Variants in DENND2B observed in about 807,000 individuals in gnomAD.
DENND2B encodes DENN domain containing 2B.
In DENND2B, 32 loss-of-function variants were observed where a neutral mutation model predicts 116.0. That is an observed-to-expected ratio of 0.28 (90% CI 0.21 to 0.37). DENND2B has a LOEUF of 0.37. Among genes scored for constraint, DENND2B ranks in the 10% least tolerant of loss-of-function variants. DENND2B has a pLI of 1.00. For missense variants in DENND2B, 1,276 were observed against 1,477.7 expected, an observed-to-expected ratio of 0.86 and a Z score of 2.24; for synonymous variants, 588 against 583.9, an observed-to-expected ratio of 1.01 and a Z score of -0.10.
Position 8,730,062 on chromosome 11 carries a change from G to T in DENND2B, c.1228C>A (p.Leu410Ile). The part of the protein sequence containing the change: ...KNPKSKPSNG[L>I]PPSPTPAAPP... ...GCAGCAGGTGTGGGTGAAGGAGGTA[G>T]ACCATTACTGGGCTTACTCTTGGGG... The change falls in exon 3 of 20, where the codon CTA (leucine) becomes ATA (isoleucine). Residue 410 changes from leucine to isoleucine, a missense_variant. Leu to Ile is a conservative substitution (Grantham distance 5). Around this residue, in one of 2 missense-constraint regions of DENND2B, gnomAD observed 856 missense variants for 846.6 expected, o/e 1.01. Transcript: ENST00000313726. The surrounding 1 kb of genome is among the most constrained non-coding windows in gnomAD (Gnocchi z 4.1). The T allele has an allele frequency of 6.2e-7, 1 of 1,614,198 alleles. No homozygotes were observed. Among genetic ancestry groups the T allele is most frequent in the Non-Finnish European group, 8.5e-7 (1 of 1,180,026 alleles).
chr11:8,843,670 A>G (rs1227860002), intron 3 of DENND2B, among the ~76,000 whole-genome samples: 1 of 152,034 alleles, frequency 6.6e-6, no homozygotes, highest in African/African-American at 2.4e-5. Context: ...TACGGAATAC[A>G]CAAATCCTGT....
At chr11:8,848,860 A>C (rs1328281762) in intron 3 of DENND2B, among the ~76,000 whole-genome samples, 2 of 152,072 alleles carry the variant, frequency 1.3e-5, no homozygotes, top group African/African-American at 2.4e-5. Flanking sequence ...GGTATTGCTT[A>C]GGTATTTGAC....
chr11:8,707,241 G>T lies in DENND2B; in HGVS notation c.2431-16C>A, dbSNP rs1292591213. ...CATCTAGGACCTGTGCCCACCGCCA[G>T]CAGCCCAAAGAGGAAGGGTGTCAGG... On this transcript the variant is annotated splice_polypyrimidine_tract_variant and intron_variant, in intron 12 of 19. Coordinates refer to ENST00000313726, the MANE Select transcript of DENND2B (RefSeq NM_213618.2). The surrounding 1 kb of genome is among the most constrained non-coding windows in gnomAD (Gnocchi z 4.8). The T allele has an allele frequency of 6.2e-7, 1 of 1,604,642 alleles. No individual in the cohort carries two copies. The highest frequency in any genetic ancestry group is 1.3e-5 in the African/African-American group (1 of 74,900).
At chr11:8,783,760 C>T (rs10500706) in intron 1 of DENND2B, among the ~76,000 whole-genome samples, 8,368 of 152,036 alleles carry the variant, frequency 0.055, 462 homozygotes, top group African/African-American at 0.14. Context: ...CTTGAAATAA[C>T]GGAAAAGGTA....
chr11:8,832,314 T>C (rs888172307), intron 4 of DENND2B, among the ~76,000 whole-genome samples: 2 of 152,114 alleles, frequency 1.3e-5, no homozygotes, highest in Non-Finnish European at 2.9e-5. Context: ...TAGCTGGGCA[T>C]GGTGGTGCAC....
chr11:8,693,861 A>C lies in DENND2B; in HGVS notation c.*235T>G. On this transcript the variant is annotated 3_prime_UTR_variant, in exon 20 of 20. Coordinates refer to ENST00000313726, the MANE Select transcript of DENND2B (RefSeq NM_213618.2). ...CAGGAAAGCACCCGGCCCCTTGGGAATATACAAATATTTGCCATATTCTCT... is the reference window on the plus strand; with the variant it reads ...CAGGAAAGCACCCGGCCCCTTGGGACTATACAAATATTTGCCATATTCTCT... 2 of 462,612 alleles carry C rather than the reference A, an allele frequency of 4.3e-6. No individual in the cohort carries two copies. Among genetic ancestry groups the C allele is most frequent in the Non-Finnish European group, 7.7e-6 (2 of 260,882 alleles). 28.7% of individuals were successfully genotyped at this position (462,612 alleles called of 1,614,324 possible). A position where few individuals can be genotyped will look rare whatever the true frequency, so the allele number is the denominator to read the frequency against.
At position 8,712,827 on chromosome 11, in the gene DENND2B, CTTTTAAG is replaced by C. The variant is rs1483419567; in HGVS notation, c.1988-99_1988-93del. On this transcript the variant is annotated intron_variant, in intron 8 of 19. Coordinates refer to ENST00000313726, the MANE Select transcript of DENND2B (RefSeq NM_213618.2). The surrounding 1 kb of genome is among the most constrained non-coding windows in gnomAD (Gnocchi z 4.4). ...CTCAGGGCTCCATTGCTGTGGAGCA[CTTTTAAG>C]TACGTGAGCCTAGTCTGATACCATC... 5 of 1,345,696 alleles carry C rather than the reference CTTTTAAG, an allele frequency of 3.7e-6. No homozygotes were observed. In the Admixed American group the frequency reaches 7.3e-5, roughly 20 times the overall value. 83.4% of individuals were successfully genotyped at this position (1,345,696 alleles called of 1,614,324 possible).
intron 2 of DENND2B, among the ~76,000 whole-genome samples, chr11:8,746,288 T>C (rs1593082504): frequency 6.6e-6 from 1 of 152,354 alleles, no homozygotes; most frequent in African/African-American, 2.4e-5. Flanking sequence ...TGGATTTCAC[T>C]GTATCACAAA....
exon 4 of DENND2B, chr11:8,839,310 C>T (rs1006328684): frequency 2.0e-5 from 3 of 152,308 alleles, no homozygotes; most frequent in African/African-American, 7.2e-5. Flanking sequence ...AAAAACCTAC[C>T]TGAATTATCC....
chr11:8,808,495 C>T (rs1041921313), intron 1 of DENND2B: 3 of 152,196 alleles, frequency 2.0e-5, no homozygotes, highest in South Asian at 2.1e-4. Context: ...TCTTATGAAA[C>T]GACCCAACCC....
chr11:8,848,977 T>C (rs1202119021), intron 3 of DENND2B, among the ~76,000 whole-genome samples: 1 of 151,992 alleles, frequency 6.6e-6, no homozygotes, highest in East Asian at 1.9e-4. Context: ...AAATCACAGG[T>C]ACTGCCATTA....
At position 8,702,976 on chromosome 11, in the gene DENND2B, G is replaced by C. The variant is rs897841622; in HGVS notation, c.2572-256C>G. 3.8e-5 allele frequency: 19 copies of C among 497,832 alleles called. No homozygotes were observed. Among genetic ancestry groups the C allele is most frequent in the African/African-American group, 2.1e-4 (11 of 51,756 alleles). 30.8% of individuals were successfully genotyped at this position (497,832 alleles called of 1,614,324 possible). A position where few individuals can be genotyped will look rare whatever the true frequency, so the allele number is the denominator to read the frequency against. ...GAAGGCTCCAGAAGGAAGGAGTTGAGGGGCCATCCATCGGGACCTCAGGAA... is the reference window on the plus strand; with the variant it reads ...GAAGGCTCCAGAAGGAAGGAGTTGACGGGCCATCCATCGGGACCTCAGGAA... On this transcript the variant is annotated intron_variant, in intron 13 of 19. Coordinates refer to ENST00000313726, the MANE Select transcript of DENND2B (RefSeq NM_213618.2). This position sits in a 1 kb window ranked among gnomAD's most constrained non-coding sequence, Gnocchi z 4.6.
chr11:8,836,964 T>C (rs1262568887), intron 4 of DENND2B, among the ~76,000 whole-genome samples: 1 of 152,200 alleles, frequency 6.6e-6, no homozygotes, highest in Non-Finnish European at 1.5e-5. Context: ...GATCTGTCTG[T>C]CTTAGCCTCC....
intron 6 of DENND2B, chr11:8,715,373 T>TA: frequency 1.8e-6 from 1 of 557,516 alleles, no homozygotes; most frequent in South Asian, 2.1e-5. Context: ...CGGCTAGACT[T>TA]TCCTTCCTCT....
intron 4 of DENND2B, among the ~76,000 whole-genome samples, chr11:8,836,804 T>C (rs571177336): frequency 6.6e-6 from 1 of 152,154 alleles, no homozygotes; most frequent in Non-Finnish European, 1.5e-5. Context: ...AGTCTCGACC[T>C]CCCTGGGCTC....
At chr11:8,829,952 T>C (rs1372919362) in intron 4 of DENND2B, among the ~76,000 whole-genome samples, 2 of 152,206 alleles carry the variant, frequency 1.3e-5, no homozygotes, top group Non-Finnish European at 2.9e-5. Flanking sequence ...CGTTGGTGTC[T>C]TCCGTCTTGC....
chr11:8,903,474 TAAA>T (rs35974143), intron 1 of DENND2B, among the ~76,000 whole-genome samples: 9 of 116,258 alleles, frequency 7.7e-5, no homozygotes, highest in Non-Finnish European at 1.0e-4. Flanking sequence ...ACCAAGATGT[TAAA>T]AAAAAAAAAA....
At chr11:8,849,251 G>T (rs920095313) in intron 3 of DENND2B, among the ~76,000 whole-genome samples, 3 of 152,050 alleles carry the variant, frequency 2.0e-5, no homozygotes, top group African/African-American at 7.3e-5. Context: ...CCAGCACTTT[G>T]GGAGGCCAAG....
intron 4 of DENND2B, among the ~76,000 whole-genome samples, chr11:8,822,375 T>G (rs954481735): frequency 3.3e-5 from 5 of 152,216 alleles, no homozygotes; most frequent in Non-Finnish European, 5.9e-5. Context: ...CACTTAAGAC[T>G]TACTCTCTTG....
Sources: allele counts gnomAD v4.1 joint callset (sites outside exome capture counted in the v4.1 genomes callset), GRCh38; gene constraint gnomAD v4.1.1; regional missense constraint gnomAD v4.1.1; non-coding constraint Gnocchi (gnomAD v3.1); transcripts MANE v1.5; gene names NCBI Gene and HGNC (gene_info 2026-07-23, HGNC 2026-07-21).